Variants in KRTAP6-3 observed in about 807,000 individuals in gnomAD.
KRTAP6-3 encodes the protein keratin associated protein 6-3.
For missense variants in KRTAP6-3, 121 were observed against 133.1 expected, an observed-to-expected ratio of 0.91 and a Z score of 0.45; for synonymous variants, 62 against 57.5, an observed-to-expected ratio of 1.08 and a Z score of -0.36.
Position 30,592,905 on chromosome 21 carries a change from G to C in KRTAP6-3, c.*127G>C, listed in dbSNP as rs1255083343. ...CAGTGGAAGTCTAATATGATCTGTT[G>C]TTGATCTACCATCTAACCCAAAAAT... On this transcript the variant is annotated 3_prime_UTR_variant, in exon 1 of 1. Coordinates refer to ENST00000391624, the MANE Select transcript of KRTAP6-3 (RefSeq NM_181605.4). The C allele has an allele frequency of 7.0e-7, 1 of 1,429,700 alleles. No homozygotes were observed. Among genetic ancestry groups the C allele is most frequent in the Non-Finnish European group, 9.2e-7 (1 of 1,085,738 alleles). The allele number at this position is 1,429,700 out of a possible 1,614,324, so 88.6% of individuals were successfully genotyped here.
In KRTAP6-3 at chr21:30,592,653, G is replaced by A. The variant is rs1193455786; in HGVS notation, c.208G>A (p.Gly70Ser). The change falls in exon 1 of 1, where the codon GGC becomes AGC. Residue 70 changes from glycine (G) to serine (S), a missense_variant. Physicochemically the swap from Gly to Ser is moderately conservative, Grantham distance 56. Transcript: ENST00000391624. ...GGGCTGTGGCTATGGCTCCTTCTGT[G>A]GCTGTGGCTACAGAGGCCTGGACTG... The A allele has an allele frequency of 6.2e-7, 1 of 1,613,692 alleles. No homozygotes were observed. Among genetic ancestry groups the A allele is most frequent in the African/African-American group, 1.3e-5 (1 of 74,832 alleles).
chr21:30,592,736 G>C lies in KRTAP6-3; in HGVS notation c.291G>C (p.Arg97Ser). The C allele has an allele frequency of 6.2e-7, 1 of 1,611,268 alleles. No homozygotes were observed. The highest frequency in any genetic ancestry group is 8.5e-7 in the Non-Finnish European group (1 of 1,178,560). The change falls in exon 1 of 1, where the codon AGG becomes AGC. Residue 97 changes from arginine to serine, a missense_variant. By Grantham distance (110) the Arg-to-Ser change is moderately radical. Coordinates refer to ENST00000391624, the MANE Select transcript of KRTAP6-3 (RefSeq NM_181605.4). Reference sequence around the variant, plus strand: ...ACTCCTTCTGTGGCTGTGGCTATAGGTGCGGCTCTGGCTATGGCTCCAGCT... The same window carrying C: ...ACTCCTTCTGTGGCTGTGGCTATAGCTGCGGCTCTGGCTATGGCTCCAGCT...
In KRTAP6-3 at chr21:30,592,970, C is replaced by A; in HGVS notation, c.*192C>A. The A allele has an allele frequency of 8.8e-7, 1 of 1,142,250 alleles. No homozygotes were observed. The highest frequency in any genetic ancestry group is 1.2e-6 in the Non-Finnish European group (1 of 838,328). The allele number at this position is 1,142,250 out of a possible 1,614,324, so 70.8% of individuals were successfully genotyped here. Reference sequence around the variant, plus strand: ...TCATGAAGTGGGATAAGGTGAAGTTCACCTGTCACTTCTCCTTTTATCAGG... The same window carrying A: ...TCATGAAGTGGGATAAGGTGAAGTTAACCTGTCACTTCTCCTTTTATCAGG... On this transcript the variant is annotated 3_prime_UTR_variant, in exon 1 of 1. Coordinates refer to ENST00000391624, the MANE Select transcript of KRTAP6-3 (RefSeq NM_181605.4).
Position 30,593,033 on chromosome 21 carries a change from G to A in KRTAP6-3, c.*255G>A, listed in dbSNP as rs1714806135. 1 of 566,114 alleles carries A rather than the reference G, an allele frequency of 1.8e-6. No homozygotes were observed. The highest frequency in any genetic ancestry group is 1.9e-5 in the African/African-American group (1 of 53,032). 35.1% of individuals were successfully genotyped at this position (566,114 alleles called of 1,614,324 possible). A position where few individuals can be genotyped will look rare whatever the true frequency, so the allele number is the denominator to read the frequency against. The stretch of plus-strand genomic sequence containing the variant: ...CAGTGACTCCTTTGATGACTTTCAT[G>A]CTGTAGTTTGTTTCTCTGCTGACCT... On this transcript the variant is annotated 3_prime_UTR_variant, in exon 1 of 1. Transcript: ENST00000391624.
Position 30,592,904 on chromosome 21 carries a change from T to A in KRTAP6-3, c.*126T>A, listed in dbSNP as rs1980083215. The A allele has an allele frequency of 7.0e-7, 1 of 1,431,212 alleles. No homozygotes were observed. The highest frequency in any genetic ancestry group is 1.6e-5 in the South Asian group (1 of 62,256). 88.7% of individuals were successfully genotyped at this position (1,431,212 alleles called of 1,614,324 possible). ...GCAGTGGAAGTCTAATATGATCTGT[T>A]GTTGATCTACCATCTAACCCAAAAA... On this transcript the variant is annotated 3_prime_UTR_variant, in exon 1 of 1. Coordinates refer to ENST00000391624, the MANE Select transcript of KRTAP6-3 (RefSeq NM_181605.4).
chr21:30,592,562 T>C lies in KRTAP6-3; in HGVS notation c.117T>C (p.Tyr39=), dbSNP rs1980065067. The change falls in exon 1 of 1, where the codon TAT becomes TAC. Residue 39 remains tyrosine (Y), a synonymous_variant. Coordinates refer to ENST00000391624, the MANE Select transcript of KRTAP6-3 (RefSeq NM_181605.4). ...GCTGTGGTTATGGCGGCTGTGGCTATGGGTGCTGTGGCTACGGAGGCCTGG... is the reference window on the plus strand; with the variant it reads ...GCTGTGGTTATGGCGGCTGTGGCTACGGGTGCTGTGGCTACGGAGGCCTGG... 3.1e-6 allele frequency: 5 copies of C among 1,611,932 alleles called. No homozygotes were observed. The highest frequency in any genetic ancestry group is 4.2e-6 in the Non-Finnish European group (5 of 1,178,780).
chr21:30,592,670 C>T lies in KRTAP6-3; in HGVS notation c.225C>T (p.Gly75=). The stretch of plus-strand genomic sequence containing the variant: ...CCTTCTGTGGCTGTGGCTACAGAGG[C>T]CTGGACTGTGGCTATGGCTGTGGCT... The change falls in exon 1 of 1, where the codon GGC becomes GGT. Residue 75 remains glycine (G), a synonymous_variant. Transcript: ENST00000391624. 1 of 1,613,840 alleles carries T rather than the reference C, an allele frequency of 6.2e-7. No homozygotes were observed. The highest frequency in any genetic ancestry group is 1.1e-5 in the South Asian group (1 of 91,080).
In KRTAP6-3 at chr21:30,592,502, C is replaced by T. The variant is rs752651693; in HGVS notation, c.57C>T (p.Gly19=). The change falls in exon 1 of 1, where the codon GGC becomes GGT. Residue 19 remains glycine, a synonymous_variant. Coordinates refer to ENST00000391624, the MANE Select transcript of KRTAP6-3 (RefSeq NM_181605.4). ...GCTACTACAGAAACTACAATGGTGGCCATGGCTATGGGTGCTGTGGCTACG... is the reference window on the plus strand; with the variant it reads ...GCTACTACAGAAACTACAATGGTGGTCATGGCTATGGGTGCTGTGGCTACG... The T allele has an allele frequency of 3.1e-6, 5 of 1,613,568 alleles. No individual in the cohort carries two copies. The highest frequency in any genetic ancestry group is 4.2e-6 in the Non-Finnish European group (5 of 1,179,746).
In KRTAP6-3 at chr21:30,592,990, A is replaced by G. The variant is rs1980085756; in HGVS notation, c.*212A>G. ...AAGTTCACCTGTCACTTCTCCTTTT[A>G]TCAGGATGATGGTGTCACAGTGACT... On this transcript the variant is annotated 3_prime_UTR_variant, in exon 1 of 1. Transcript: ENST00000391624. The G allele has an allele frequency of 1.0e-6, 1 of 974,838 alleles. No individual in the cohort carries two copies. Among genetic ancestry groups the G allele is most frequent in the Non-Finnish European group, 1.4e-6 (1 of 692,236 alleles). The allele number at this position is 974,838 out of a possible 1,614,324, so 60.4% of individuals were successfully genotyped here.
rs1449794434 is a variant in KRTAP6-3, at chr21:30,592,442, A to G, written c.-4A>G. On this transcript the variant is annotated 5_prime_UTR_variant, in exon 1 of 1. Transcript: ENST00000391624. ...AAGTCACCTACACTCCTTCCTACCC[A>G]AGGATGACCTCAACAACCAACACCA... is the stretch of plus-strand genomic sequence containing the variant. 1 of 1,584,360 alleles carries G rather than the reference A, an allele frequency of 6.3e-7. No homozygotes were observed. Among genetic ancestry groups the G allele is most frequent in the East Asian group, 2.2e-5 (1 of 44,674 alleles).
In KRTAP6-3 at chr21:30,592,528, G is replaced by A; in HGVS notation, c.83G>A (p.Gly28Glu). Reference sequence around the variant, plus strand: ...CATGGCTATGGGTGCTGTGGCTACGGAGGCCTGGGCTGTGGTTATGGCGGC... The same window carrying A: ...CATGGCTATGGGTGCTGTGGCTACGAAGGCCTGGGCTGTGGTTATGGCGGC... The change falls in exon 1 of 1, where the codon GGA becomes GAA. Residue 28 changes from glycine to glutamate, a missense_variant. Transcript: ENST00000391624. 2 of 1,614,062 alleles carry A rather than the reference G, an allele frequency of 1.2e-6. No individual in the cohort carries two copies. Among genetic ancestry groups the A allele is most frequent in the South Asian group, 1.1e-5 (1 of 91,052 alleles).
In KRTAP6-3 at chr21:30,592,682, C is replaced by A; in HGVS notation, c.237C>A (p.Gly79=). 2 of 1,613,700 alleles carry A rather than the reference C, an allele frequency of 1.2e-6. No homozygotes were observed. Among genetic ancestry groups the A allele is most frequent in the Non-Finnish European group, 1.7e-6 (2 of 1,179,798 alleles). ...GTGGCTACAGAGGCCTGGACTGTGG[C>A]TATGGCTGTGGCTATGGCTATGTCT... The change falls in exon 1 of 1, where the codon GGC becomes GGA. Residue 79 remains glycine, a synonymous_variant. Transcript: ENST00000391624.
chr21:30,592,547 T>A, the KRTAP6-3 span: 2 of 1,613,016 alleles, frequency 1.2e-6, no homozygotes, highest in Admixed American at 1.7e-5. Flanking sequence ...GCTGTGGTTA[T>A]GGCGGCTGTG....
Position 30,592,922 on chromosome 21 carries a change from C to T in KRTAP6-3, c.*144C>T, listed in dbSNP as rs550685631. The T allele has an allele frequency of 7.1e-7, 1 of 1,401,994 alleles. No homozygotes were observed. Among genetic ancestry groups the T allele is most frequent in the East Asian group, 2.5e-5 (1 of 39,426 alleles). The allele number at this position is 1,401,994 out of a possible 1,614,324, so 86.8% of individuals were successfully genotyped here. On this transcript the variant is annotated 3_prime_UTR_variant, in exon 1 of 1. Coordinates refer to ENST00000391624, the MANE Select transcript of KRTAP6-3 (RefSeq NM_181605.4). Reference sequence around the variant, plus strand: ...GATCTGTTGTTGATCTACCATCTAACCCAAAAATACCCTGAGTTTCCATCA... The same window carrying T: ...GATCTGTTGTTGATCTACCATCTAATCCAAAAATACCCTGAGTTTCCATCA...
In KRTAP6-3 at chr21:30,592,980, T is replaced by G; in HGVS notation, c.*202T>G. 9.4e-7 allele frequency: 1 copy of G among 1,066,232 alleles called. No homozygotes were observed. The highest frequency in any genetic ancestry group is 1.3e-6 in the Non-Finnish European group (1 of 772,664). The allele number at this position is 1,066,232 out of a possible 1,614,324, so 66.0% of individuals were successfully genotyped here. ...GGATAAGGTGAAGTTCACCTGTCAC[T>G]TCTCCTTTTATCAGGATGATGGTGT... On this transcript the variant is annotated 3_prime_UTR_variant, in exon 1 of 1. Transcript: ENST00000391624.
chr21:30,592,769 C>T lies in KRTAP6-3; in HGVS notation c.324C>T (p.Tyr108=). The stretch of plus-strand genomic sequence containing the variant: ...CTGGCTATGGCTCCAGCTTTGGCTA[C>T]TACTATTGAGGACACCATGGGAGAC... The change falls in exon 1 of 1, where the codon TAC becomes TAT. Residue 108 remains tyrosine (Y), a synonymous_variant. Transcript: ENST00000391624. 6.3e-7 allele frequency: 1 copy of T among 1,599,428 alleles called. No individual in the cohort carries two copies. Among genetic ancestry groups the T allele is most frequent in the Non-Finnish European group, 8.5e-7 (1 of 1,172,506 alleles).
Position 30,592,949 on chromosome 21 carries a change from G to A in KRTAP6-3, c.*171G>A, listed in dbSNP as rs569249452. The A allele has an allele frequency of 3.9e-5, 53 of 1,347,274 alleles. 1 individual carries two copies. The East Asian group carries it at 1.3e-3, about 33-fold the overall frequency. The allele number at this position is 1,347,274 out of a possible 1,614,324, so 83.5% of individuals were successfully genotyped here. A position where few individuals can be genotyped will look rare whatever the true frequency, so the allele number is the denominator to read the frequency against. ...CAAAAATACCCTGAGTTTCCATCATGAAGTGGGATAAGGTGAAGTTCACCT... is the reference window on the plus strand; with the variant it reads ...CAAAAATACCCTGAGTTTCCATCATAAAGTGGGATAAGGTGAAGTTCACCT... On this transcript the variant is annotated 3_prime_UTR_variant, in exon 1 of 1. Coordinates refer to ENST00000391624, the MANE Select transcript of KRTAP6-3 (RefSeq NM_181605.4).
In KRTAP6-3 at chr21:30,592,518, T is replaced by C. The variant is rs1465080867; in HGVS notation, c.73T>C (p.Cys25Arg). The C allele has an allele frequency of 1.2e-6, 2 of 1,614,008 alleles. No homozygotes were observed. Among genetic ancestry groups the C allele is most frequent in the East Asian group, 2.2e-5 (1 of 44,866 alleles). ...CAATGGTGGCCATGGCTATGGGTGC[T>C]GTGGCTACGGAGGCCTGGGCTGTGG... The change falls in exon 1 of 1, where the codon TGT becomes CGT. Residue 25 changes from cysteine to arginine, a missense_variant. Physicochemically the swap from Cys to Arg is radical, Grantham distance 180 (BLOSUM62 -3). Coordinates refer to ENST00000391624, the MANE Select transcript of KRTAP6-3 (RefSeq NM_181605.4).
rs1218532585 is a variant in KRTAP6-3, at chr21:30,592,846, G to A, written c.*68G>A. The A allele has an allele frequency of 2.7e-6, 4 of 1,469,844 alleles. No homozygotes were observed. The highest frequency in any genetic ancestry group is 2.5e-5 in the East Asian group (1 of 40,286). 91.1% of individuals were successfully genotyped at this position (1,469,844 alleles called of 1,614,324 possible). On this transcript the variant is annotated 3_prime_UTR_variant, in exon 1 of 1. Coordinates refer to ENST00000391624, the MANE Select transcript of KRTAP6-3 (RefSeq NM_181605.4). ...AATTCACCAATTCTGAAGCCCACAT[G>A]CTCTGAGCCTTTCCCTTGATTGATG... is the stretch of plus-strand genomic sequence containing the variant.
Sources: gnomAD v4.1 joint callset for allele counts on GRCh38, gnomAD v4.1.1 for gene constraint, MANE v1.5 for transcripts, NCBI Gene and HGNC (gene_info 2026-07-23, HGNC 2026-07-21) for gene names.